ZNF423: variants seen among roughly 807,000 people sequenced by gnomAD.
The protein encoded by ZNF423 is zinc finger protein 423.
ZNF423 carries 12 observed loss-of-function variants against 95.8 expected under a neutral mutation model. The observed-to-expected ratio is 0.13, with a 90% CI of 0.08 to 0.20. The LOEUF is 0.20. Among genes scored for constraint, ZNF423 ranks in the 10% least tolerant of loss-of-function variants. The pLI, the probability that ZNF423 is intolerant of heterozygous loss-of-function variation, is 1.00. For synonymous variants in ZNF423, 749 were observed against 711.9 expected, an observed-to-expected ratio of 1.05 and a Z score of -0.83; for missense variants, 1,316 against 1,737.1, an observed-to-expected ratio of 0.76 and a Z score of 4.31.
intron 5 of ZNF423, among the ~76,000 whole-genome samples, chr16:49,586,488 C>T (rs750446516): frequency 6.6e-6 from 1 of 152,220 alleles, no homozygotes; most frequent in Non-Finnish European, 1.5e-5. Flanking sequence ...AAGGCTGCAC[C>T]GGCAGCATTC....
rs538977017 is a variant in ZNF423, at chr16:49,843,211, G to A, written c.40+12524C>T. 1.4e-3 allele frequency among the ~76,000 whole-genome samples: 216 copies of A among 152,320 alleles called. 9 individuals are homozygous for A. In the South Asian group the frequency reaches 0.043, roughly 30 times the overall value. On this transcript the variant is annotated intron_variant, in intron 1 of 7. Coordinates refer to ENST00000563137, the MANE Select transcript of ZNF423 (RefSeq NM_001379286.1). ...AAACAAGAACACAAAGGTTATAAAT[G>A]AGGATACTCCCTGCATCATCATTTA... is the stretch of plus-strand genomic sequence containing the variant.
At chr16:49,797,541 C>T (rs891360654) in intron 1 of ZNF423, among the ~76,000 whole-genome samples, 2 of 152,176 alleles carry the variant, frequency 1.3e-5, no homozygotes, top group African/African-American at 4.8e-5. Context: ...TTTCAGGTGG[C>T]GATGTGTTCA....
At chr16:49,620,098 C>G (rs1192988461) in intron 5 of ZNF423, among the ~76,000 whole-genome samples, 1 of 151,936 alleles carries the variant, frequency 6.6e-6, no homozygotes, top group Admixed American at 6.6e-5. Context: ...AAAACCCTCT[C>G]TCTGTCTGTC....
At chr16:49,640,591 C>G (rs900570310) in intron 3 of ZNF423, 1 of 151,580 alleles carries the variant, frequency 6.6e-6, no homozygotes. Flanking sequence ...CCCGCCCCCA[C>G]CCCCTGGCCC....
chr16:49,517,734 C>A (rs1256311586), intron 7 of ZNF423: 2 of 271,462 alleles, frequency 7.4e-6, no homozygotes, highest in Admixed American at 5.1e-5. Flanking sequence ...TGGTAATATC[C>A]TTTCTCCACC....
At chr16:49,682,487 C>T (rs2031404289) in intron 3 of ZNF423, among the ~76,000 whole-genome samples, 1 of 152,198 alleles carries the variant, frequency 6.6e-6, no homozygotes, top group African/African-American at 2.4e-5. Flanking sequence ...GGGACACAGC[C>T]TGAGAATTCC....
At chr16:49,597,531 T>G (rs1442440384) in intron 5 of ZNF423, among the ~76,000 whole-genome samples, 4 of 152,212 alleles carry the variant, frequency 2.6e-5, no homozygotes, top group Non-Finnish European at 5.9e-5. Context: ...CCTTTTAATT[T>G]TTTTTTAAAT....
chr16:49,510,838 G>C (rs1233150743), intron 7 of ZNF423, among the ~76,000 whole-genome samples: 1 of 152,196 alleles, frequency 6.6e-6, no homozygotes, highest in African/African-American at 2.4e-5. Context: ...CGCCGGGGAG[G>C]GGTTCGGCTC....
chr16:49,742,058 T>C (rs1318657669), intron 2 of ZNF423, among the ~76,000 whole-genome samples: 2 of 152,210 alleles, frequency 1.3e-5, no homozygotes, highest in East Asian at 1.9e-4. Context: ...GCACCTACTA[T>C]GTGCCAGCCC....
intron 5 of ZNF423, among the ~76,000 whole-genome samples, chr16:49,528,984 T>C (rs1201801474): frequency 6.6e-6 from 1 of 151,810 alleles, no homozygotes; most frequent in Admixed American, 6.6e-5. Flanking sequence ...CTTTCCTGAA[T>C]TATATAAGAT....
chr16:49,728,547 C>A (rs1166330532), intron 3 of ZNF423, among the ~76,000 whole-genome samples: 2 of 152,098 alleles, frequency 1.3e-5, no homozygotes, highest in African/African-American at 4.8e-5. Flanking sequence ...GCAAACAGGG[C>A]TGCCATGGAT....
At chr16:49,643,444 C>T (rs1243028460) in intron 3 of ZNF423, among the ~76,000 whole-genome samples, 1 of 151,994 alleles carries the variant, frequency 6.6e-6, no homozygotes, top group Non-Finnish European at 1.5e-5. Flanking sequence ...GGGCACAGAG[C>T]GACTGAGTGA....
Position 49,635,153 on chromosome 16 carries a change from G to A in ZNF423, c.3516+507C>T, listed in dbSNP as rs1235962678. Among the ~76,000 whole-genome samples, 13 of 152,204 alleles carry A rather than the reference G, an allele frequency of 8.5e-5. No individual in the cohort carries two copies. The highest frequency in any genetic ancestry group is 3.9e-4 in the Admixed American group (6 of 15,278). On this transcript the variant is annotated intron_variant, in intron 4 of 7. Transcript: ENST00000563137. The surrounding 1 kb of genome is among the most constrained non-coding windows in gnomAD (Gnocchi z 4.8). Reference sequence around the variant, plus strand: ...AGCACCACTGAGCCATGAGTGCTGGGCTCTCGGCCCCTTGTGTGTGTGTGA... The same window carrying A: ...AGCACCACTGAGCCATGAGTGCTGGACTCTCGGCCCCTTGTGTGTGTGTGA...
At chr16:49,720,887 A>G (rs2032845621) in intron 3 of ZNF423, among the ~76,000 whole-genome samples, 1 of 152,158 alleles carries the variant, frequency 6.6e-6, no homozygotes, top group Non-Finnish European at 1.5e-5. Context: ...ACCCTTGCTA[A>G]CATGTATGTT....
chr16:49,732,545 T>G (rs2033193163), intron 2 of ZNF423, among the ~76,000 whole-genome samples: 1 of 152,220 alleles, frequency 6.6e-6, no homozygotes, highest in Non-Finnish European at 1.5e-5. Flanking sequence ...TATGTACATA[T>G]GCAAAAGTGC....
At chr16:49,803,933 CTTTT>C (rs535349308) in intron 1 of ZNF423, among the ~76,000 whole-genome samples, 32,481 of 109,448 alleles carry the variant, frequency 0.3, 3,926 homozygotes, top group South Asian at 0.31. Context: ...GGATGAGTTT[CTTTT>C]TTTTTTTTTT....
upstream of ZNF423, among the ~76,000 whole-genome samples, chr16:49,857,345 G>A (rs1168256703): frequency 6.7e-6 from 1 of 150,348 alleles, no homozygotes; most frequent in East Asian, 1.9e-4. This position sits in a 1 kb window ranked among gnomAD's most constrained non-coding sequence, Gnocchi z 6.2. Context: ...GCGCGGGCGC[G>A]GGCACCGCAC....
chr16:49,597,035 T>C (rs1464998586), intron 5 of ZNF423, among the ~76,000 whole-genome samples: 1 of 152,224 alleles, frequency 6.6e-6, no homozygotes, highest in Non-Finnish European at 1.5e-5. Flanking sequence ...AAGAGCTCTC[T>C]CTGGGCATCG....
intron 2 of ZNF423, among the ~76,000 whole-genome samples, chr16:49,776,874 C>T (rs770704854): frequency 1.6e-4 from 25 of 152,354 alleles, no homozygotes; most frequent in African/African-American, 4.8e-4. Context: ...TTGAACACCC[C>T]GCCTGGGCAC....
Sources: gnomAD v4.1 joint callset for allele counts (sites outside exome capture counted in the v4.1 genomes callset) on GRCh38, gnomAD v4.1.1 for gene constraint, Gnocchi (gnomAD v3.1) non-coding constraint, MANE v1.5 for transcripts, NCBI Gene and HGNC (gene_info 2026-07-23, HGNC 2026-07-21) for gene names.